ZNF562: variants seen among roughly 807,000 people sequenced by gnomAD.
ZNF562 encodes the protein zinc finger protein 562.
ZNF562 carries 13 observed loss-of-function variants against 17.5 expected under a neutral mutation model. The ratio of observed to expected loss-of-function variants is 0.74; its 90% confidence interval spans 0.48 to 1.18. The LOEUF is 1.18. Among genes scored for constraint, ZNF562 ranks in the 50% most tolerant of loss-of-function variants. The pLI, the probability that ZNF562 is intolerant of heterozygous loss-of-function variation, is 0.00. For synonymous variants in ZNF562, 163 were observed against 165.4 expected (o/e 0.99, Z 0.11); for missense variants, 481 against 498.5 (o/e 0.96, Z 0.33).
rs1259984198 is a variant in ZNF562 at position 9,642,298 on chromosome 19, A to C, written c.*10651T>G. 1.3e-5 allele frequency: 2 copies of C among 151,972 alleles called. No homozygotes were observed. The highest frequency in any genetic ancestry group is 2.1e-4 in the South Asian group (1 of 4,810). 9.4% of individuals were successfully genotyped at this position (151,972 alleles called of 1,614,324 possible). On this transcript the variant is annotated 3_prime_UTR_variant, in exon 6 of 6. Transcript: ENST00000453372. ...TTCTTTTTTTTCTTTAAAAAAAAAA[A>C]AAAAAACAGGGTTTCACTCTGTCAC...
At chr19:9,669,253 T>C (rs2044057262) in intron 1 of ZNF562, among the ~76,000 whole-genome samples, 1 of 151,616 alleles carries the variant, frequency 6.6e-6, no homozygotes, top group Non-Finnish European at 1.5e-5. Flanking sequence ...AACTCAAACT[T>C]GATAACAAAA....
intron 1 of ZNF562, among the ~76,000 whole-genome samples, chr19:9,669,734 G>GCGCGCGCGCGCA (rs1221319747): frequency 1.8e-5 from 2 of 109,302 alleles, no homozygotes; most frequent in African/African-American, 7.1e-5. Flanking sequence ...GCGCGCGCGC[G>GCGCGCGCGCGCA]CACACACACA....
At chr19:9,663,967 C>G (rs1463212975) in intron 1 of ZNF562, among the ~76,000 whole-genome samples, 1 of 152,032 alleles carries the variant, frequency 6.6e-6, no homozygotes, top group Non-Finnish European at 1.5e-5. Context: ...GACAGCCAGG[C>G]TGGTCTTGAA....
rs1041289190 is a variant in ZNF562 at position 9,642,772 on chromosome 19, C to T, written c.*10177G>A. 2.0e-5 allele frequency: 3 copies of T among 151,502 alleles called. No individual in the cohort carries two copies. The highest frequency in any genetic ancestry group is 6.6e-5 in the Admixed American group (1 of 15,162). The allele number at this position is 151,502 out of a possible 1,614,324, so 9.4% of individuals were successfully genotyped here. A position where few individuals can be genotyped will look rare whatever the true frequency, so the allele number is the denominator to read the frequency against. ...GCCAGGCACAGTGGCTCAACCCTGT[C>T]ATCCTAGCATTTTGGGAGGCTGATG... On this transcript the variant is annotated 3_prime_UTR_variant, in exon 6 of 6. Coordinates refer to ENST00000453372, the MANE Select transcript of ZNF562 (RefSeq NM_001130031.2).
chr19:9,648,767 G>A lies in ZNF562; in HGVS notation c.*4182C>T, dbSNP rs766119058. On this transcript the variant is annotated 3_prime_UTR_variant, in exon 6 of 6. Coordinates refer to ENST00000453372, the MANE Select transcript of ZNF562 (RefSeq NM_001130031.2). ...ACCCTCCCAAGTAGCTAAAACTATA[G>A]GCATGCATCACCACATCATTTCATT... The A allele has an allele frequency of 2.0e-5, 3 of 151,540 alleles. No individual in the cohort carries two copies. Among genetic ancestry groups the A allele is most frequent in the Non-Finnish European group, 4.4e-5 (3 of 67,964 alleles). 9.4% of individuals were successfully genotyped at this position (151,540 alleles called of 1,614,324 possible).
In ZNF562 at chr19:9,648,154, A is replaced by G. The variant is rs908082417; in HGVS notation, c.*4795T>C. 6.6e-6 allele frequency: 1 copy of G among 152,228 alleles called. No homozygotes were observed. The highest frequency in any genetic ancestry group is 1.5e-5 in the Non-Finnish European group (1 of 68,042). 9.4% of individuals were successfully genotyped at this position (152,228 alleles called of 1,614,324 possible). ...ATTAAGGGACAATTTTTTAAAAATC[A>G]CAATGTTATTCAAACATAGCTCCAT... On this transcript the variant is annotated 3_prime_UTR_variant, in exon 6 of 6. Coordinates refer to ENST00000453372, the MANE Select transcript of ZNF562 (RefSeq NM_001130031.2).
At chr19:9,668,650 G>A (rs1233891890) in intron 1 of ZNF562, among the ~76,000 whole-genome samples, 3 of 151,854 alleles carry the variant, frequency 2.0e-5, no homozygotes, top group African/African-American at 7.3e-5. Flanking sequence ...ACTTCAAACA[G>A]CCAAAGAAAT....
In ZNF562 at chr19:9,644,255, A is replaced by G. The variant is rs1341455926; in HGVS notation, c.*8694T>C. ...GCTTCATTGTTAATACTCTGAAAGG[A>G]TTTATGGAGAATTAGGACCAATTGG... On this transcript the variant is annotated 3_prime_UTR_variant, in exon 6 of 6. Coordinates refer to ENST00000453372, the MANE Select transcript of ZNF562 (RefSeq NM_001130031.2). 3 of 151,940 alleles carry G rather than the reference A, an allele frequency of 2.0e-5. No homozygotes were observed. Among genetic ancestry groups the G allele is most frequent in the African/African-American group, 7.2e-5 (3 of 41,390 alleles). 9.4% of individuals were successfully genotyped at this position (151,940 alleles called of 1,614,324 possible).
At chr19:9,668,685 AATC>A (rs1323801128) in intron 1 of ZNF562, among the ~76,000 whole-genome samples, 1 of 152,210 alleles carries the variant, frequency 6.6e-6, no homozygotes, top group East Asian at 1.9e-4. Context: ...ACAAAGCTGG[AATC>A]ATCACACTGC....
chr19:9,669,705 T>TGCGCGC (rs1491415624), intron 1 of ZNF562, among the ~76,000 whole-genome samples: 1 of 103,050 alleles, frequency 9.7e-6, no homozygotes, highest in African/African-American at 4.3e-5. Flanking sequence ...CCTGTCTGCA[T>TGCGCGC]GCACGCGCGC....
rs764908175 is a variant in ZNF562 at position 9,656,665 on chromosome 19, G to A, written c.242-12C>T. 3 of 1,608,888 alleles carry A rather than the reference G, an allele frequency of 1.9e-6. No individual in the cohort carries two copies. Among genetic ancestry groups the A allele is most frequent in the East Asian group, 2.2e-5 (1 of 44,810 alleles). ...GCAGAAAAAGAAATCTAAGGGTTTA[G>A]AGAAGAAATGTGTTAGTTTAAAATT... On this transcript the variant is annotated splice_polypyrimidine_tract_variant and intron_variant, in intron 4 of 5. Transcript: ENST00000453372.
Position 9,648,170 on chromosome 19 carries a change from A to G in ZNF562, c.*4779T>C, listed in dbSNP as rs1280936477. 6.6e-6 allele frequency: 1 copy of G among 152,236 alleles called. No individual in the cohort carries two copies. Among genetic ancestry groups the G allele is most frequent in the Non-Finnish European group, 1.5e-5 (1 of 68,044 alleles). 9.4% of individuals were successfully genotyped at this position (152,236 alleles called of 1,614,324 possible). ...TTAAAAATCACAATGTTATTCAAAC[A>G]TAGCTCCATAACATATTAGTAAAGG... On this transcript the variant is annotated 3_prime_UTR_variant, in exon 6 of 6. Transcript: ENST00000453372.
At chr19:9,653,915 A>C in intron 5 of ZNF562, 34 bp from the exon 6 acceptor site, 2 of 1,494,916 alleles carry the variant, frequency 1.3e-6, no homozygotes. Context: ...AAATGTTTTC[A>C]GACATATTAA....
At chr19:9,665,097 C>T (rs2043901310) in intron 1 of ZNF562, among the ~76,000 whole-genome samples, 1 of 151,948 alleles carries the variant, frequency 6.6e-6, no homozygotes, top group African/African-American at 2.4e-5. Flanking sequence ...TGGCACACGC[C>T]TGAAGTCCCA....
chr19:9,645,239 G>A lies in ZNF562; in HGVS notation c.*7710C>T, dbSNP rs2074798824. ...TTTTTGTATTTTTAGTAGAGATGGGGGTTCACCATGTTGCCCAAAATGGTC... is the reference window on the plus strand; with the variant it reads ...TTTTTGTATTTTTAGTAGAGATGGGAGTTCACCATGTTGCCCAAAATGGTC... On this transcript the variant is annotated 3_prime_UTR_variant, in exon 6 of 6. Transcript: ENST00000453372. The A allele has an allele frequency of 1.3e-5, 2 of 152,004 alleles. No homozygotes were observed. Among genetic ancestry groups the A allele is most frequent in the Non-Finnish European group, 2.9e-5 (2 of 68,050 alleles). The allele number at this position is 152,004 out of a possible 1,614,324, so 9.4% of individuals were successfully genotyped here. A position where few individuals can be genotyped will look rare whatever the true frequency, so the allele number is the denominator to read the frequency against.
Position 9,653,992 on chromosome 19 carries a change from A to ATTTTT in ZNF562, c.349-116_349-112dup, listed in dbSNP as rs57141679. The ATTTTT allele has an allele frequency of 2.0e-4, 203 of 1,007,390 alleles. No homozygotes were observed. In the African/African-American group the frequency reaches 3.0e-3, roughly 15 times the overall value. 62.4% of individuals were successfully genotyped at this position (1,007,390 alleles called of 1,614,324 possible). On this transcript the variant is annotated intron_variant, in intron 5 of 5. Transcript: ENST00000453372. ...CAATTATTTTACTTTTTAATGTTTA[A>ATTTTT]TTTTTTTTTTTTTTTTGAGACAGAG...
At chr19:9,654,448 AT>A (rs1336855818) in intron 5 of ZNF562, among the ~76,000 whole-genome samples, 1 of 151,886 alleles carries the variant, frequency 6.6e-6, no homozygotes, top group African/African-American at 2.4e-5. Flanking sequence ...GCATCATCCA[AT>A]TTTTTGATTT....
intron 3 of ZNF562, among the ~76,000 whole-genome samples, chr19:9,658,537 A>G (rs947468515): frequency 1.3e-5 from 2 of 152,024 alleles, no homozygotes; most frequent in Non-Finnish European, 2.9e-5. Context: ...TTTAGTAGAA[A>G]AGGGGTTTCA....
rs147764786 is a variant in ZNF562, at chr19:9,653,829, A to G, written c.401T>C (p.Phe134Ser). 1.7e-4 allele frequency: 271 copies of G among 1,610,390 alleles called. No homozygotes were observed. Among genetic ancestry groups the G allele is most frequent in the Non-Finnish European group, 2.2e-4 (259 of 1,178,224 alleles). ...TGTCTTAAGGCAAAACTGTTCACTG[A>G]AGACCTCTCCACAATTCTCACAGAG... The part of the protein sequence containing the change: ...WKLCENCGEV[F>S]SEQFCLKTHM... Residue 134 changes from phenylalanine to serine, a missense_variant, in exon 6 of 6, where the codon TTC becomes TCC. Transcript: ENST00000453372.
Sources: allele counts gnomAD v4.1 joint callset (sites outside exome capture counted in the v4.1 genomes callset), GRCh38; gene constraint gnomAD v4.1.1; transcripts MANE v1.5; gene names NCBI Gene and HGNC (gene_info 2026-07-23, HGNC 2026-07-21).